RNF180: variants seen among roughly 807,000 people sequenced by gnomAD.
RNF180 encodes the protein ring finger protein 180.
In RNF180, 38 loss-of-function variants were observed where a neutral mutation model predicts 59.2. That is an observed-to-expected ratio of 0.64 (90% confidence interval 0.50 to 0.84). The LOEUF is 0.84. Ranked by LOEUF, RNF180 falls within the 40% of genes least tolerant of loss-of-function variation. The pLI is 0.00. For synonymous variants in RNF180, 262 were observed against 240.3 expected (o/e 1.09, Z -0.84); for missense variants, 705 against 700.9 (o/e 1.01, Z -0.07).
At chr5:64,362,949 A>ATT (rs1746315846) in intron 7 of RNF180, among the ~76,000 whole-genome samples, 1 of 145,900 alleles carries the variant, frequency 6.9e-6, no homozygotes, top group African/African-American at 2.8e-5. Flanking sequence ...TTTCTTGTAA[A>ATT]TTTAAGTGCC....
intron 1 of RNF180, among the ~76,000 whole-genome samples, chr5:64,182,192 T>C (rs1015320457): frequency 5.9e-5 from 9 of 151,958 alleles, no homozygotes; most frequent in African/African-American, 1.7e-4. Flanking sequence ...GGAGTTTCAC[T>C]GTGTTAGCCA....
chr5:64,183,945 G>A (rs1050309881), intron 1 of RNF180, among the ~76,000 whole-genome samples: 3 of 152,120 alleles, frequency 2.0e-5, no homozygotes, highest in Non-Finnish European at 2.9e-5. Context: ...TAGTACCTCC[G>A]AACATGGCTA....
intron 7 of RNF180, among the ~76,000 whole-genome samples, chr5:64,333,517 C>G (rs1413283024): frequency 6.6e-6 from 1 of 152,160 alleles, no homozygotes; most frequent in African/African-American, 2.4e-5. Flanking sequence ...AATATGAAAT[C>G]AAATGTAAGA....
chr5:64,239,794 A>C lies in RNF180; in HGVS notation c.1227+22398A>C, dbSNP rs538433706. Among the ~76,000 whole-genome samples the C allele has an allele frequency of 2.0e-5, 3 of 152,326 alleles. No homozygotes were observed. The South Asian group carries it at 6.2e-4, about 32-fold the overall frequency. On this transcript the variant is annotated intron_variant, in intron 5 of 7. Transcript: ENST00000389100. Reference sequence around the variant, plus strand: ...ACATTACCTTCATCTGAAAATGGTTACTTTGCAAATTCATTGTTTCAGGGG... The same window carrying C: ...ACATTACCTTCATCTGAAAATGGTTCCTTTGCAAATTCATTGTTTCAGGGG...
At chr5:64,344,534 AAC>A (rs1396328934) in intron 7 of RNF180, among the ~76,000 whole-genome samples, 1 of 130,094 alleles carries the variant, frequency 7.7e-6, no homozygotes. Flanking sequence ...TAGAAAAAAA[AAC>A]ACACACAATG....
At chr5:64,303,312 TG>T (rs1304593095) in intron 5 of RNF180, among the ~76,000 whole-genome samples, 1 of 151,584 alleles carries the variant, frequency 6.6e-6, no homozygotes, top group East Asian at 1.9e-4. Flanking sequence ...TAAGTGTTCA[TG>T]TGAAAGGAAG....
At chr5:64,185,834 G>T (rs918865480) in intron 1 of RNF180, among the ~76,000 whole-genome samples, 4 of 152,142 alleles carry the variant, frequency 2.6e-5, no homozygotes, top group African/African-American at 7.2e-5. Context: ...GTGATGCAAA[G>T]ACATAAGTAC....
chr5:64,358,085 CATT>C (rs1746100866), intron 7 of RNF180, among the ~76,000 whole-genome samples: 1 of 151,770 alleles, frequency 6.6e-6, no homozygotes, highest in African/African-American at 2.4e-5. Flanking sequence ...TTAGTTACTT[CATT>C]GTTTTCAGTA....
chr5:64,251,611 T>C (rs562725580), intron 5 of RNF180, among the ~76,000 whole-genome samples: 1 of 152,194 alleles, frequency 6.6e-6, no homozygotes, highest in East Asian at 1.9e-4. Context: ...TTTTATATTG[T>C]AGGCATAGGA....
intron 1 of RNF180, among the ~76,000 whole-genome samples, chr5:64,184,902 C>G (rs932667411): frequency 5.9e-5 from 9 of 152,284 alleles, no homozygotes; most frequent in South Asian, 2.1e-4. Context: ...TGTCCATGCT[C>G]ACAACCTTGT....
intron 2 of RNF180, among the ~76,000 whole-genome samples, chr5:64,210,522 GA>G (rs1208597971): frequency 6.6e-6 from 1 of 152,122 alleles, no homozygotes; most frequent in Non-Finnish European, 1.5e-5. Context: ...GTGGGTTTAT[GA>G]AAAATAATTC....
Position 64,210,089 on chromosome 5 carries a change from TCAAA to T in RNF180, c.136-1973_136-1970del, listed in dbSNP as rs578051423. 7.9e-5 allele frequency among the ~76,000 whole-genome samples: 12 copies of T among 152,202 alleles called. No homozygotes were observed. The South Asian group carries it at 2.5e-3, about 32-fold the overall frequency. ...AGGCAGATGACAGAAGCACACAAAATCAAACACTAAAAAAAGATGTCTCTGGGTT... is the reference window on the plus strand; with the variant it reads ...AGGCAGATGACAGAAGCACACAAAATCACTAAAAAAAGATGTCTCTGGGTT... On this transcript the variant is annotated intron_variant, in intron 2 of 7. Transcript: ENST00000389100.
Position 64,261,041 on chromosome 5 carries a change from C to G in RNF180, c.1227+43645C>G, listed in dbSNP as rs145156996. 2.1e-3 allele frequency among the ~76,000 whole-genome samples: 321 copies of G among 151,840 alleles called. 2 individuals carry two copies. Among genetic ancestry groups the G allele is most frequent in the African/African-American group, 7.4e-3 (305 of 41,408 alleles). On this transcript the variant is annotated intron_variant, in intron 5 of 7. Transcript: ENST00000389100. ...TTTAATGTTCCAAATAGGAAAAAACCTAAAGAAGATACATTTCTTTGATGT... is the reference window on the plus strand; with the variant it reads ...TTTAATGTTCCAAATAGGAAAAAACGTAAAGAAGATACATTTCTTTGATGT...
At chr5:64,366,255 G>A (rs1337316471) in intron 7 of RNF180, among the ~76,000 whole-genome samples, 1 of 151,500 alleles carries the variant, frequency 6.6e-6, no homozygotes, top group Non-Finnish European at 1.5e-5. Context: ...TGAAATTCGT[G>A]GTTGAATTTC....
chr5:64,291,149 A>G (rs1742560044), intron 5 of RNF180, among the ~76,000 whole-genome samples: 1 of 152,088 alleles, frequency 6.6e-6, no homozygotes, highest in South Asian at 2.1e-4. Context: ...ATGTATGTTG[A>G]ATATTGGCCT....
chr5:64,218,869 T>C (rs1752765788), intron 5 of RNF180, among the ~76,000 whole-genome samples: 1 of 152,234 alleles, frequency 6.6e-6, no homozygotes, highest in Non-Finnish European at 1.5e-5. Flanking sequence ...ATATTGCTAA[T>C]GTTTAAAAAC....
chr5:64,181,758 T>A (rs1244739004), intron 1 of RNF180, among the ~76,000 whole-genome samples: 3 of 152,118 alleles, frequency 2.0e-5, no homozygotes, highest in Non-Finnish European at 2.9e-5. Flanking sequence ...ACCTCTGAAA[T>A]ACTATGGAAC....
At chr5:64,290,102 C>G (rs1367097553) in intron 5 of RNF180, among the ~76,000 whole-genome samples, 1 of 152,138 alleles carries the variant, frequency 6.6e-6, no homozygotes, top group East Asian at 1.9e-4. Context: ...TCATTAGTTT[C>G]AAAGAACTTT....
chr5:64,268,317 C>T (rs183968470), intron 5 of RNF180, among the ~76,000 whole-genome samples: 113 of 152,232 alleles, frequency 7.4e-4, no homozygotes, highest in South Asian at 3.5e-3. Context: ...AGTGTATTCT[C>T]TTCCAGCCAG....
Sources: gnomAD v4.1 joint callset for allele counts (sites outside exome capture counted in the v4.1 genomes callset) on GRCh38, gnomAD v4.1.1 for gene constraint, MANE v1.5 for transcripts, NCBI Gene and HGNC (gene_info 2026-07-23, HGNC 2026-07-21) for gene names.